Variants in DZANK1 observed in about 807,000 individuals in gnomAD.
The protein encoded by DZANK1 is double zinc ribbon and ankyrin repeat-containing protein 1.
A neutral mutation model predicts 94.5 loss-of-function variants in DZANK1; 91 were observed. That is an observed-to-expected ratio of 0.96 (90% confidence interval 0.81 to 1.15). DZANK1 has a LOEUF of 1.15. Among genes scored for constraint, DZANK1 ranks in the 50% most tolerant of loss-of-function variants. DZANK1 has a pLI of 0.00. For missense variants in DZANK1, 903 were observed against 916.4 expected (o/e 0.99, Z 0.19); for synonymous variants, 312 against 325.3 (o/e 0.96, Z 0.44).
chr20:18,466,747 T>A (rs1013941625), intron 1 of DZANK1: 7 of 152,238 alleles, frequency 4.6e-5, no homozygotes, highest in Non-Finnish European at 7.3e-5. Context: ...AATGGCAACG[T>A]GCAGTCAACA....
At chr20:18,384,361 C>A in exon 21 of DZANK1, 1 of 1,574,844 alleles carries the variant, frequency 6.3e-7, no homozygotes. Flanking sequence ...GCCAGCCATG[C>A]ACGTATTCTT....
Position 18,431,253 on chromosome 20 carries a change from G to T in DZANK1, c.861+2399C>A, listed in dbSNP as rs140920571. On this transcript the variant is annotated intron_variant, in intron 9 of 20. Coordinates refer to ENST00000262547, the Ensembl canonical transcript of DZANK1. ...CAGAAAAAAAAAAAAATCTGATAGA[G>T]CAAAATTCCTCAGCATTAACAGTGC... Among the ~76,000 whole-genome samples the T allele has an allele frequency of 2.4e-3, 360 of 152,094 alleles. 4 individuals carry two copies. The highest frequency in any genetic ancestry group is 0.02 in the Admixed American group (302 of 15,256).
intron 8 of DZANK1, among the ~76,000 whole-genome samples, chr20:18,443,011 CTTTA>C (rs765041839): frequency 2.0e-5 from 3 of 152,072 alleles, no homozygotes; most frequent in Non-Finnish European, 2.9e-5. Context: ...TGGTAGTTCT[CTTTA>C]TTTATTTCTA....
intron 2 of DZANK1, among the ~76,000 whole-genome samples, chr20:18,462,333 G>A (rs552053481): frequency 2.0e-5 from 3 of 152,192 alleles, no homozygotes; most frequent in African/African-American, 7.2e-5. Context: ...AGTGCTTGGA[G>A]GTGAAGCAGG....
At chr20:18,455,395 T>C (rs2059252133) in intron 3 of DZANK1, 34 bp from the exon 4 acceptor site, 7 of 1,473,488 alleles carry the variant, frequency 4.8e-6, no homozygotes, top group African/African-American at 1.4e-5. Flanking sequence ...AAAAAGTCTG[T>C]GTTACACAAA....
chr20:18,406,872 GC>G (rs2056991429), intron 13 of DZANK1, among the ~76,000 whole-genome samples: 1 of 152,174 alleles, frequency 6.6e-6, no homozygotes, highest in African/African-American at 2.4e-5. Context: ...TAACAGAAGA[GC>G]CTTTGGGCTT....
At chr20:18,402,974 T>C (rs111438116) in intron 13 of DZANK1, among the ~76,000 whole-genome samples, 3 of 152,354 alleles carry the variant, frequency 2.0e-5, no homozygotes, top group African/African-American at 4.8e-5. Flanking sequence ...GTTTGAACCA[T>C]GGGCCACTCC....
intron 12 of DZANK1, chr20:18,413,161 A>G (rs2057337081): frequency 2.6e-6 from 1 of 390,942 alleles, no homozygotes; most frequent in Non-Finnish European, 4.6e-6. Context: ...CATAGACTTC[A>G]CTACTAATCC....
intron 10 of DZANK1, among the ~76,000 whole-genome samples, chr20:18,424,225 G>A (rs1439324524): frequency 1.3e-5 from 2 of 152,128 alleles, no homozygotes; most frequent in Admixed American, 6.5e-5. Context: ...CAAGGCGGGT[G>A]GATCACCTGA....
Position 18,391,476 on chromosome 20 carries a change from G to A in DZANK1, c.1810-1017C>T, listed in dbSNP as rs534487371. On this transcript the variant is annotated intron_variant, in intron 17 of 20. Coordinates refer to ENST00000262547, the Ensembl canonical transcript of DZANK1. ...TCTCGATCACCTGACCTCATGATCT[G>A]CCTGCCTCAGCCTCCCTAAGTGCTG... Among the ~76,000 whole-genome samples the A allele has an allele frequency of 6.6e-5, 10 of 152,186 alleles. No homozygotes were observed. The South Asian group carries it at 1.5e-3, about 22-fold the overall frequency.
rs2056501169 is a variant in DZANK1 at position 18,398,693 on chromosome 20, A to G, written c.1433-67T>C. ...GAGACTAAGAAAGAAAAATGATAGCATGGAACATATGTTCTTAGAGAGGTT... is the reference window on the plus strand; with the variant it reads ...GAGACTAAGAAAGAAAAATGATAGCGTGGAACATATGTTCTTAGAGAGGTT... On this transcript the variant is annotated intron_variant, in intron 13 of 20. Transcript: ENST00000262547. 4 of 1,428,720 alleles carry G rather than the reference A, an allele frequency of 2.8e-6. No individual in the cohort carries two copies. In the East Asian group the frequency reaches 9.1e-5, roughly 33 times the overall value. The allele number at this position is 1,428,720 out of a possible 1,614,324, so 88.5% of individuals were successfully genotyped here.
At chr20:18,444,798 G>GTTTA (rs750385324) in intron 7 of DZANK1, among the ~76,000 whole-genome samples, 23 of 152,002 alleles carry the variant, frequency 1.5e-4, no homozygotes, top group African/African-American at 2.4e-4. Context: ...ATATTTGTTT[G>GTTTA]TTTATTTATT....
chr20:18,412,756 G>A (rs577379587), exon 13 of DZANK1: 16 of 1,613,824 alleles, frequency 9.9e-6, no homozygotes, highest in African/African-American at 8.0e-5. Context: ...CTTGCCAGAT[G>A]GGTAGAAGAG....
intron 13 of DZANK1, among the ~76,000 whole-genome samples, chr20:18,400,797 G>A (rs1161043142): frequency 6.6e-6 from 1 of 152,180 alleles, no homozygotes; most frequent in Non-Finnish European, 1.5e-5. Context: ...TCTAGGGCTA[G>A]GATACAGAAG....
chr20:18,384,627 T>C (rs1047732350), intron 20 of DZANK1, 63 bp from the exon 21 acceptor site: 1 of 1,490,260 alleles, frequency 6.7e-7, no homozygotes, highest in African/African-American at 1.4e-5. Context: ...CCTAAGAGCT[T>C]GACTCTACCC....
intron 2 of DZANK1, among the ~76,000 whole-genome samples, chr20:18,464,084 T>A (rs1353475306): frequency 3.9e-5 from 6 of 152,048 alleles, no homozygotes; most frequent in African/African-American, 1.2e-4. Flanking sequence ...TTTTTCTTTT[T>A]TTTTTTTGAG....
At position 18,455,321 on chromosome 20, in the gene DZANK1, C is replaced by A. The variant is rs370221336; in HGVS notation, c.304G>T (p.Val102Leu). 4.4e-6 allele frequency: 7 copies of A among 1,608,290 alleles called. No homozygotes were observed. In the East Asian group the frequency reaches 1.3e-4, roughly 31 times the overall value. ...ACTATATTTGGTGGTTCATAGTCTA[C>A]GTGAAACACCTTTGTCACAATGCCA... The change falls in exon 4 of 21, where the codon GTA (valine) becomes TTA (leucine). Residue 102 changes from valine to leucine, a missense_variant. By Grantham distance (32) the Val-to-Leu change is conservative. Coordinates refer to ENST00000262547, the Ensembl canonical transcript of DZANK1.
intron 14 of DZANK1, among the ~76,000 whole-genome samples, chr20:18,396,774 T>C (rs977860993): frequency 6.6e-6 from 1 of 152,204 alleles, no homozygotes; most frequent in African/African-American, 2.4e-5. Flanking sequence ...ACTCTACTAA[T>C]TATAAATAAA....
At chr20:18,416,738 G>C (rs749394847) in intron 10 of DZANK1, among the ~76,000 whole-genome samples, 2 of 152,202 alleles carry the variant, frequency 1.3e-5, no homozygotes, top group South Asian at 2.1e-4. Flanking sequence ...CCCGAGAACA[G>C]AGGGCCTCTT....
Sources: gnomAD v4.1 joint callset for allele counts (sites outside exome capture counted in the v4.1 genomes callset) on GRCh38, gnomAD v4.1.1 for gene constraint, MANE v1.5 for transcripts, NCBI Gene and HGNC (gene_info 2026-07-23, HGNC 2026-07-21) for gene names.